The following NPAT variants were observed in gnomAD, a reference collection of about 807,000 sequenced individuals.
NPAT encodes protein NPAT.
NPAT carries 52 observed loss-of-function variants against 130.7 expected under a neutral mutation model. That is an observed-to-expected ratio of 0.40 (90% CI 0.32 to 0.50). The LOEUF is 0.50. Ranked by LOEUF, NPAT falls within the 20% of genes least tolerant of loss-of-function variation. The pLI is 0.68. For synonymous variants in NPAT, 580 were observed against 584.8 expected (o/e 0.99, Z 0.12); for missense variants, 1,687 against 1,662.6 (o/e 1.01, Z -0.26).
intron 8 of NPAT, 77 bp downstream of exon 8, chr11:108,186,405 T>C (rs1216837025): frequency 8.7e-6 from 9 of 1,028,862 alleles, no homozygotes; most frequent in African/African-American, 3.2e-5. Context: ...CATACACACA[T>C]ACATACATTT....
At chr11:108,221,307 C>A (rs2078491373) in intron 1 of NPAT, among the ~76,000 whole-genome samples, 2 of 151,922 alleles carry the variant, frequency 1.3e-5, no homozygotes, top group African/African-American at 4.8e-5. Context: ...ATTATGAGGC[C>A]CAAAATGTTA....
chr11:108,201,489 G>C lies in NPAT; in HGVS notation c.38-4069C>G, dbSNP rs147448214. Among the ~76,000 whole-genome samples the C allele has an allele frequency of 4.4e-3, 663 of 152,288 alleles. 1 individual carries two copies. The highest frequency in any genetic ancestry group is 6.2e-3 in the Admixed American group (95 of 15,298). On this transcript the variant is annotated intron_variant, in intron 1 of 17. Transcript: ENST00000278612. The stretch of plus-strand genomic sequence containing the variant: ...CATAGGGAAGACATTCAATCTTTAT[G>C]TATCAGAAAGGAAAGGAATGGCCCA...
intron 1 of NPAT, among the ~76,000 whole-genome samples, chr11:108,213,261 G>A (rs1266461695): frequency 6.6e-5 from 10 of 152,190 alleles, no homozygotes; most frequent in Admixed American, 4.6e-4. Flanking sequence ...CAACAAGAGC[G>A]AAACTCTGTC....
chr11:108,175,005 T>C (rs1280447347), intron 12 of NPAT, among the ~76,000 whole-genome samples: 2 of 152,210 alleles, frequency 1.3e-5, no homozygotes, highest in African/African-American at 4.8e-5. Context: ...AAAATATTTT[T>C]TAAAAACCAG....
At chr11:108,191,180 C>A (rs955331069) in intron 4 of NPAT, among the ~76,000 whole-genome samples, 1 of 152,040 alleles carries the variant, frequency 6.6e-6, no homozygotes, top group African/African-American at 2.4e-5. Context: ...TATAGAGATG[C>A]CTTCCCACAG....
intron 10 of NPAT, among the ~76,000 whole-genome samples, chr11:108,178,510 C>G (rs1421227334): frequency 6.6e-6 from 1 of 152,098 alleles, no homozygotes; most frequent in Non-Finnish European, 1.5e-5. Flanking sequence ...AATGCAATCC[C>G]TATCAAAATT....
In NPAT at chr11:108,172,283, G is replaced by C. The variant is rs916513151; in HGVS notation, c.2701C>G (p.Pro901Ala). 6.2e-7 allele frequency: 1 copy of C among 1,614,090 alleles called. No homozygotes were observed. Among genetic ancestry groups the C allele is most frequent in the Admixed American group, 1.7e-5 (1 of 60,024 alleles). The part of the protein sequence containing the change: ...PGNSAPMTAQ[P>A]LPPQLQTPPR... ...GGTGTCTGTAACTGAGGTGGTAGAG[G>C]TTGAGCAGTCATAGGTGCAGAATTT... Residue 901 changes from proline (P) to alanine (A), a missense_variant, in exon 13 of 18, where the codon CCT becomes GCT. Pro to Ala is a conservative substitution (Grantham distance 27, BLOSUM62 -1). Coordinates refer to ENST00000278612, the MANE Select transcript of NPAT (RefSeq NM_002519.3).
At chr11:108,167,815 G>T (rs1208059706) in intron 15 of NPAT, among the ~76,000 whole-genome samples, 1 of 152,158 alleles carries the variant, frequency 6.6e-6, no homozygotes, top group Non-Finnish European at 1.5e-5. Flanking sequence ...ATAAAAACAA[G>T]TGTCAGACTG....
intron 5 of NPAT, 118 bp downstream of exon 5, chr11:108,190,333 AAAAAGAAAG>A: frequency 1.6e-6 from 1 of 625,440 alleles, no homozygotes; most frequent in East Asian, 3.2e-5. Flanking sequence ...AAAAAAAAAA[AAAAAGAAAG>A]AAAAACAGTA....
intron 3 of NPAT, 134 bp downstream of exon 3, chr11:108,193,823 A>C: frequency 1.8e-6 from 1 of 562,480 alleles, no homozygotes; most frequent in Non-Finnish European, 3.2e-6. Flanking sequence ...AGAAAAATTT[A>C]TCTCATTACA....
Position 108,173,671 on chromosome 11 carries a change from C to T in NPAT, c.1313G>A (p.Cys438Tyr), listed in dbSNP as rs780783767. 9 of 1,614,052 alleles carry T rather than the reference C, an allele frequency of 5.6e-6. No homozygotes were observed. Among genetic ancestry groups the T allele is most frequent in the South Asian group, 5.5e-5 (5 of 91,086 alleles). The change falls in exon 13 of 18, where the codon TGT (cysteine) becomes TAT (tyrosine). Residue 438 changes from cysteine (C) to tyrosine (Y), a missense_variant. Around this residue, in one of 3 missense-constraint regions of NPAT, gnomAD observed 1,379 missense variants for 1,346.6 expected, o/e 1.02. Transcript: ENST00000278612. ...FKTAVPTEQK[C>Y]DIDITFESVP... is the part of the protein sequence containing the mutation. The stretch of plus-strand genomic sequence containing the variant: ...GGACTCAAAGGTAATGTCAATGTCA[C>T]ACTTCTGTTCAGTGGGTACAGCTGT...
chr11:108,176,428 T>A, intron 11 of NPAT, 54 bp from the exon 12 acceptor site: 5 of 1,253,752 alleles, frequency 4.0e-6, no homozygotes, highest in Non-Finnish European at 5.8e-6. Context: ...AAAATAAACA[T>A]CAATGAATAC....
chr11:108,213,004 G>A (rs1306263171), intron 1 of NPAT, among the ~76,000 whole-genome samples: 1 of 146,182 alleles, frequency 6.8e-6, no homozygotes, highest in African/African-American at 2.5e-5. Flanking sequence ...GCGGGGCATG[G>A]TGGCTCATGC....
At chr11:108,163,063 T>G (rs1378049062) in intron 15 of NPAT, among the ~76,000 whole-genome samples, 5 of 144,488 alleles carry the variant, frequency 3.5e-5, no homozygotes, top group East Asian at 1.9e-4. Flanking sequence ...TTAAGAGATT[T>G]ATTTATTTAT....
intron 6 of NPAT, 135 bp downstream of exon 6, chr11:108,188,971 T>C (rs2078135738): frequency 1.4e-6 from 1 of 728,464 alleles, no homozygotes; most frequent in Non-Finnish European, 2.4e-6. Flanking sequence ...TAGAAGTCTG[T>C]TCCACTTTTA....
intron 10 of NPAT, among the ~76,000 whole-genome samples, chr11:108,184,763 T>C (rs2134855398): frequency 6.6e-6 from 1 of 152,316 alleles, no homozygotes; most frequent in South Asian, 2.1e-4. Flanking sequence ...ATTCCTGGCC[T>C]TAAGTGATCT....
At chr11:108,169,693 CAAAT>C (rs766308175) in intron 15 of NPAT, 47 bp downstream of exon 15, 2 of 1,296,966 alleles carry the variant, frequency 1.5e-6, no homozygotes, top group Admixed American at 3.4e-5. Flanking sequence ...TTGCTGCAAA[CAAAT>C]GAACATACAA....
chr11:108,198,221 C>T (rs970907047), intron 1 of NPAT, among the ~76,000 whole-genome samples: 1 of 152,122 alleles, frequency 6.6e-6, no homozygotes, highest in East Asian at 1.9e-4. Flanking sequence ...GAAGAAAAAT[C>T]TAATCTCAAG....
rs1265435868 is a variant in NPAT, at chr11:108,162,576, G to GC, written c.3011-397dup. On this transcript the variant is annotated intron_variant, in intron 15 of 17. Transcript: ENST00000278612. ...CTCCCGAGTAGCTGGGATTACAGGC[G>GC]CCCCCAACCATGCTCAGCTAATTTT... Among the ~76,000 whole-genome samples the GC allele has an allele frequency of 3.9e-5, 6 of 151,988 alleles. 1 individual carries two copies. Among genetic ancestry groups the GC allele is most frequent in the Admixed American group, 3.9e-4 (6 of 15,252 alleles).
Sources: gnomAD v4.1 joint callset for allele counts (sites outside exome capture counted in the v4.1 genomes callset) on GRCh38, gnomAD v4.1.1 for gene constraint, gnomAD v4.1.1 regional missense constraint, MANE v1.5 for transcripts, NCBI Gene and HGNC (gene_info 2026-07-23, HGNC 2026-07-21) for gene names.